XIRP2: variants seen among roughly 807,000 people sequenced by gnomAD.
The protein encoded by XIRP2 is xin actin binding repeat containing 2.
XIRP2 carries 236 observed loss-of-function variants against 277.0 expected under a neutral mutation model. The ratio of observed to expected loss-of-function variants is 0.85; its 90% CI spans 0.77 to 0.95. The LOEUF (loss-of-function observed/expected upper bound fraction) is 0.95, where lower values mean the gene tolerates loss of function less well. XIRP2 is among the 40% of genes least tolerant of loss of function. The pLI is 0.00. For synonymous variants in XIRP2, 1,490 were observed against 1,416.5 expected (o/e 1.05, Z -1.17); for missense variants, 4,640 against 4,157.5 (o/e 1.12, Z -3.19).
Position 167,072,496 on chromosome 2 carries a change from T to C in XIRP2, c.409-63413T>C, listed in dbSNP as rs143106363. Among the ~76,000 whole-genome samples, 405 of 152,290 alleles carry C rather than the reference T, an allele frequency of 2.7e-3. 1 individual carries two copies. Among genetic ancestry groups the C allele is most frequent in the African/African-American group, 9.3e-3 (386 of 41,562 alleles). On this transcript the variant is annotated intron_variant, in intron 2 of 10. Coordinates refer to ENST00000409195, the MANE Select transcript of XIRP2 (RefSeq NM_152381.6). ...GATCCGCTGGTGTTCTGATTTTCTT[T>C]GTCATAGCAATGATTACACTTCCCT...
At chr2:166,958,858 T>C (rs1449423614) in intron 2 of XIRP2, among the ~76,000 whole-genome samples, 1 of 151,826 alleles carries the variant, frequency 6.6e-6, no homozygotes, top group East Asian at 1.9e-4. Context: ...ATAATCAGCC[T>C]TTCATTCAGC....
chr2:167,177,722 T>C (rs1692887970), intron 3 of XIRP2, among the ~76,000 whole-genome samples: 1 of 152,194 alleles, frequency 6.6e-6, no homozygotes, highest in Admixed American at 6.5e-5. Flanking sequence ...AATATCCAAC[T>C]GTTTGACAGT....
chr2:167,237,034 G>A (rs1481926446), intron 5 of XIRP2, among the ~76,000 whole-genome samples: 4 of 152,110 alleles, frequency 2.6e-5, no homozygotes, highest in African/African-American at 9.7e-5. Flanking sequence ...CTAGAGGGCA[G>A]TAAAATTGAT....
intron 2 of XIRP2, among the ~76,000 whole-genome samples, chr2:167,040,210 C>A (rs2105518805): frequency 6.6e-6 from 1 of 151,372 alleles, no homozygotes; most frequent in East Asian, 1.9e-4. Flanking sequence ...GGAAGAGCTT[C>A]CCCCACCATG....
chr2:166,941,107 C>T (rs1378113829), intron 2 of XIRP2, among the ~76,000 whole-genome samples: 1 of 152,178 alleles, frequency 6.6e-6, no homozygotes, highest in African/African-American at 2.4e-5. Flanking sequence ...TTCGAGCTTC[C>T]CAGCCACTTT....
chr2:167,101,823 T>C (rs1206124088), intron 2 of XIRP2, among the ~76,000 whole-genome samples: 2 of 152,194 alleles, frequency 1.3e-5, no homozygotes, highest in African/African-American at 4.8e-5. Flanking sequence ...GTAATTTCAA[T>C]CAAAAAAGTT....
At position 167,002,356 on chromosome 2, in the gene XIRP2, TATTC is replaced by T. The variant is rs1191170997; in HGVS notation, c.408+98470_408+98473del. ...GCTGTGGTTCAATGTCATACTCAAA[TATTC>T]ATTGTCATCAGGATGCCAGTCATAA... is the stretch of plus-strand genomic sequence containing the variant. On this transcript the variant is annotated intron_variant, in intron 2 of 10. Transcript: ENST00000409195. Among the ~76,000 whole-genome samples the T allele has an allele frequency of 3.3e-5, 5 of 152,120 alleles. No homozygotes were observed. The East Asian group carries it at 9.7e-4, about 29-fold the overall frequency.
At chr2:166,911,739 C>G (rs572242605) in intron 2 of XIRP2, among the ~76,000 whole-genome samples, 26 of 152,172 alleles carry the variant, frequency 1.7e-4, no homozygotes, top group East Asian at 1.2e-3. Flanking sequence ...TTTTTGCTGT[C>G]GCTGGTACTG....
intron 1 of XIRP2, chr2:166,889,919 A>G (rs1684060653): frequency 9.9e-6 from 1 of 100,696 alleles, no homozygotes; most frequent in African/African-American, 2.8e-5. Flanking sequence ...TATTGAATTA[A>G]TGAATGGTGT....
intron 3 of XIRP2, among the ~76,000 whole-genome samples, chr2:167,141,561 GC>G (rs1483957380): frequency 6.6e-6 from 1 of 152,168 alleles, no homozygotes; most frequent in African/African-American, 2.4e-5. Flanking sequence ...ATGAGAATCA[GC>G]CACACGGGAA....
At chr2:166,901,321 T>C (rs115185980) in intron 1 of XIRP2, among the ~76,000 whole-genome samples, 2,339 of 152,186 alleles carry the variant, frequency 0.015, 71 homozygotes, top group African/African-American at 0.054. Flanking sequence ...CCTAGGCAGT[T>C]CGCCTTCTCT....
At chr2:166,919,224 G>A (rs1020207566) in intron 2 of XIRP2, among the ~76,000 whole-genome samples, 6 of 152,146 alleles carry the variant, frequency 3.9e-5, no homozygotes, top group South Asian at 2.1e-4. Flanking sequence ...ATTTTCCTAC[G>A]TGGAAAGATA....
At chr2:167,027,828 A>G (rs1302083122) in intron 2 of XIRP2, among the ~76,000 whole-genome samples, 1 of 152,114 alleles carries the variant, frequency 6.6e-6, no homozygotes, top group East Asian at 1.9e-4. Context: ...ACTACTAAAT[A>G]GGGAAAAGAA....
chr2:167,232,465 AG>A (rs1694787909), intron 5 of XIRP2, among the ~76,000 whole-genome samples: 1 of 151,808 alleles, frequency 6.6e-6, no homozygotes, highest in Admixed American at 6.6e-5. Flanking sequence ...ACATATTGGG[AG>A]ATTTGCTTCT....
At chr2:167,161,568 C>A (rs375606391) in intron 3 of XIRP2, among the ~76,000 whole-genome samples, 2 of 152,326 alleles carry the variant, frequency 1.3e-5, no homozygotes, top group African/African-American at 4.8e-5. Context: ...TTGGCCCCTT[C>A]CAGCCACAGC....
intron 3 of XIRP2, among the ~76,000 whole-genome samples, chr2:167,147,526 ATGC>A (rs1172093811): frequency 6.6e-6 from 1 of 152,188 alleles, no homozygotes; most frequent in Non-Finnish European, 1.5e-5. Flanking sequence ...AGCCACATAG[ATGC>A]TCCATATTTG....
In XIRP2 at chr2:166,987,657, A is replaced by G. The variant is rs555353284; in HGVS notation, c.408+83767A>G. 2.2e-4 allele frequency among the ~76,000 whole-genome samples: 34 copies of G among 152,262 alleles called. No homozygotes were observed. The South Asian group carries it at 4.8e-3, about 21-fold the overall frequency. ...TAGCATCCAGATCTTGTTCTCTAAA[A>G]CTCATTTTTCAATTAAAGGAATCAG... On this transcript the variant is annotated intron_variant, in intron 2 of 10. Transcript: ENST00000409195.
At chr2:167,021,095 T>C (rs570412818) in intron 2 of XIRP2, among the ~76,000 whole-genome samples, 2 of 152,198 alleles carry the variant, frequency 1.3e-5, no homozygotes, top group East Asian at 1.9e-4. Context: ...TTATTTTTAA[T>C]TGTGATGAGC....
intron 3 of XIRP2, among the ~76,000 whole-genome samples, chr2:167,161,633 C>A (rs73019970): frequency 0.099 from 15,047 of 152,246 alleles, 796 homozygotes; most frequent in South Asian, 0.15. Flanking sequence ...AGCAAGGGAA[C>A]CCTGGCCCAG....
Sources: allele counts gnomAD v4.1 joint callset (sites outside exome capture counted in the v4.1 genomes callset), GRCh38; gene constraint gnomAD v4.1.1; transcripts MANE v1.5; gene names NCBI Gene and HGNC (gene_info 2026-07-23, HGNC 2026-07-21).